Variants in STPG2 observed in about 807,000 individuals in gnomAD.
STPG2 encodes the protein sperm-tail PG-rich repeat-containing protein 2.
Under a neutral mutation model 54.2 loss-of-function variants are expected in STPG2, and 56 were observed. The observed-to-expected ratio is 1.03, with a 90% CI of 0.83 to 1.29. STPG2 has a LOEUF of 1.29. STPG2 is among the 50% of genes most tolerant of loss of function. STPG2 has a pLI of 0.00. For synonymous variants in STPG2, 200 were observed against 181.8 expected (o/e 1.10, Z -0.81); for missense variants, 596 against 544.9 (o/e 1.09, Z -0.93).
At position 97,840,899 on chromosome 4, in the gene STPG2, T is replaced by A. The variant is rs912498308; in HGVS notation, c.1078A>T (p.Lys360Ter). 4 of 1,611,914 alleles carry A rather than the reference T, an allele frequency of 2.5e-6. No homozygotes were observed. In the African/African-American group the frequency reaches 4.0e-5, roughly 16 times the overall value. Residue 360 changes from lysine to a stop codon, truncating the protein, a stop_gained, in exon 9 of 11, where the codon AAA (lysine) becomes TAA (stop). Transcript: ENST00000295268. LOFTEE classifies it high-confidence loss of function. ...IPAPGSYDVH[K>*]SYEMSQVKHK... ...TTAACTTGGGACATCTCATATGATT[T>A]GTGAACATCATAGCTGCCTGGCGCT...
intron 8 of STPG2, among the ~76,000 whole-genome samples, chr4:97,904,551 T>C (rs1731322854): frequency 6.6e-6 from 1 of 152,182 alleles, no homozygotes; most frequent in Non-Finnish European, 1.5e-5. Context: ...GTTTCCTGCC[T>C]CTCCTCCTCC....
At chr4:97,488,325 T>C (rs537189533) in intron 4 of STPG2, among the ~76,000 whole-genome samples, 3 of 151,822 alleles carry the variant, frequency 2.0e-5, no homozygotes, top group Admixed American at 2.0e-4. Flanking sequence ...TTCAAATACA[T>C]TAATTTAATC....
At chr4:97,613,208 A>G (rs1373495687) in intron 10 of STPG2, among the ~76,000 whole-genome samples, 1 of 151,998 alleles carries the variant, frequency 6.6e-6, no homozygotes, top group Non-Finnish European at 1.5e-5. Context: ...GCAGTTAGTC[A>G]AGTTTCTTTA....
At chr4:98,071,638 T>C (rs911050052) in intron 5 of STPG2, among the ~76,000 whole-genome samples, 7 of 151,990 alleles carry the variant, frequency 4.6e-5, no homozygotes, top group Non-Finnish European at 8.8e-5. Flanking sequence ...ACCTAAAGAA[T>C]GGGAGAAAAA....
At chr4:97,522,940 T>G (rs1233640957) in intron 4 of STPG2, among the ~76,000 whole-genome samples, 1 of 151,986 alleles carries the variant, frequency 6.6e-6, no homozygotes, top group Non-Finnish European at 1.5e-5. Flanking sequence ...ACAATTTTAA[T>G]TTTTTGAAAT....
chr4:97,602,727 T>C (rs924860531), intron 10 of STPG2, among the ~76,000 whole-genome samples: 7 of 151,760 alleles, frequency 4.6e-5, no homozygotes, highest in African/African-American at 1.7e-4. Flanking sequence ...AACATATTAA[T>C]GCACAAATGT....
intron 10 of STPG2, among the ~76,000 whole-genome samples, chr4:97,652,320 A>G (rs905737754): frequency 3.3e-5 from 5 of 151,896 alleles, no homozygotes; most frequent in Admixed American, 6.6e-5. Context: ...TGAAAATTCA[A>G]TGAAACTATG....
chr4:97,871,417 AG>A (rs921339846), intron 8 of STPG2, among the ~76,000 whole-genome samples: 6 of 150,530 alleles, frequency 4.0e-5, no homozygotes, highest in African/African-American at 1.2e-4. Context: ...TTTTTTAAAA[AG>A]GGGGGGAATC....
At chr4:97,763,082 ACT>A in intron 9 of STPG2, among the ~76,000 whole-genome samples, 1 of 151,002 alleles carries the variant, frequency 6.6e-6, no homozygotes, top group East Asian at 1.9e-4. Context: ...AAGTGCTGAT[ACT>A]CTACTATAAT....
At chr4:97,722,853 A>G (rs1724494959) in intron 9 of STPG2, among the ~76,000 whole-genome samples, 1 of 142,916 alleles carries the variant, frequency 7.0e-6, no homozygotes, top group Non-Finnish European at 1.5e-5. Context: ...GCTGGAGTGC[A>G]GTGGTGCGAT....
At chr4:97,805,903 A>G (rs1395027644) in intron 9 of STPG2, among the ~76,000 whole-genome samples, 1 of 152,148 alleles carries the variant, frequency 6.6e-6, no homozygotes, top group African/African-American at 2.4e-5. Context: ...CATTGTTAGT[A>G]GGAATGTAAA....
At chr4:97,774,355 A>G (rs1308227732) in intron 9 of STPG2, among the ~76,000 whole-genome samples, 2 of 152,214 alleles carry the variant, frequency 1.3e-5, no homozygotes, top group African/African-American at 4.8e-5. Context: ...TTAATTCCTT[A>G]TAATTCTGTT....
chr4:97,593,347 T>A (rs1404128760), intron 10 of STPG2, among the ~76,000 whole-genome samples: 1 of 151,970 alleles, frequency 6.6e-6, no homozygotes, highest in African/African-American at 2.4e-5. Flanking sequence ...AGACGTCACC[T>A]CCCCTCCGAC....
chr4:97,706,488 C>T (rs552581004), intron 10 of STPG2, among the ~76,000 whole-genome samples: 1 of 152,282 alleles, frequency 6.6e-6, no homozygotes, highest in African/African-American at 2.4e-5. Flanking sequence ...AGAAGACCCT[C>T]ACAAAACACT....
At chr4:97,571,476 T>C (rs1732598867) in intron 10 of STPG2, among the ~76,000 whole-genome samples, 1 of 152,200 alleles carries the variant, frequency 6.6e-6, no homozygotes, top group South Asian at 2.1e-4. Context: ...TACAACCTAT[T>C]CTCTCTGAAG....
intron 8 of STPG2, among the ~76,000 whole-genome samples, chr4:97,874,586 T>C (rs1578645143): frequency 6.6e-6 from 1 of 151,824 alleles, no homozygotes; most frequent in African/African-American, 2.4e-5. Context: ...TTGCATTTTC[T>C]AGAGTTTTAT....
At chr4:97,814,814 G>T (rs1270634289) in intron 9 of STPG2, among the ~76,000 whole-genome samples, 4 of 152,086 alleles carry the variant, frequency 2.6e-5, no homozygotes, top group Non-Finnish European at 5.9e-5. Context: ...TCCTGCCCTT[G>T]AACATTGGAG....
intron 5 of STPG2, among the ~76,000 whole-genome samples, chr4:98,078,861 T>C (rs1738253041): frequency 6.6e-6 from 1 of 152,154 alleles, no homozygotes; most frequent in Non-Finnish European, 1.5e-5. Context: ...ATATCTTAAA[T>C]TTGGAATTTA....
chr4:97,563,995 C>G (rs1460354735), intron 10 of STPG2, among the ~76,000 whole-genome samples: 1 of 152,096 alleles, frequency 6.6e-6, no homozygotes, highest in Admixed American at 6.6e-5. Context: ...TCCTTTTTAA[C>G]TTTCTGTCTG....
Sources: allele counts gnomAD v4.1 joint callset (sites outside exome capture counted in the v4.1 genomes callset), GRCh38; gene constraint gnomAD v4.1.1; transcripts MANE v1.5; gene names NCBI Gene and HGNC (gene_info 2026-07-23, HGNC 2026-07-21).